The following CRISP3 variants were observed in gnomAD, a reference collection of about 807,000 sequenced individuals.
CRISP3 encodes the protein cysteine rich secretory protein 3, also known as cysteine-rich secretory protein 3.
In CRISP3, 33 loss-of-function variants were observed where a neutral mutation model predicts 36.1. That is an observed-to-expected ratio of 0.91 (90% CI 0.69 to 1.22). The LOEUF (loss-of-function observed/expected upper bound fraction) is 1.22, where lower values mean the gene tolerates loss of function less well. CRISP3 is among the 50% of genes most tolerant of loss of function. The pLI is 0.00. For synonymous variants in CRISP3, 117 were observed against 104.6 expected, an observed-to-expected ratio of 1.12 and a Z score of -0.72; for missense variants, 330 against 301.2, an observed-to-expected ratio of 1.10 and a Z score of -0.71.
Position 49,731,191 on chromosome 6 carries a change from G to A in CRISP3, c.621C>T (p.Cys207=), listed in dbSNP as rs1768907548. The A allele has an allele frequency of 6.2e-7, 1 of 1,610,564 alleles. No individual in the cohort carries two copies. Among genetic ancestry groups the A allele is most frequent in the Non-Finnish European group, 8.5e-7 (1 of 1,178,022 alleles). The change falls in exon 7 of 8, where the codon TGC becomes TGT. Residue 207 remains cysteine (C), a synonymous_variant. Transcript: ENST00000263045. ...PYEQGAPCAS[C]PDNCDDGLCT... is the part of the protein sequence containing the mutation. ...ATAGTCCATCGTCACAGTTATCTGG[G>A]CAACTGGCACAAGGTGCTCCTTGTT...
At chr6:49,743,716 T>C (rs950162208) in intron 1 of CRISP3, among the ~76,000 whole-genome samples, 5 of 152,170 alleles carry the variant, frequency 3.3e-5, no homozygotes, top group Admixed American at 6.5e-5. Flanking sequence ...ATAGATATTA[T>C]ATTTAAATTA....
At chr6:49,733,146 T>C in intron 6 of CRISP3, 49 bp downstream of exon 6, 1 of 1,047,600 alleles carries the variant, frequency 9.5e-7, no homozygotes, top group East Asian at 2.6e-5. Context: ...TATTAAATGT[T>C]AAATTGTATT....
At position 49,736,372 on chromosome 6, in the gene CRISP3, T is replaced by C. The variant is rs776479329; in HGVS notation, c.228+19A>G. 6.5e-7 allele frequency: 1 copy of C among 1,530,952 alleles called. No homozygotes were observed. The highest frequency in any genetic ancestry group is 2.2e-5 in the East Asian group (1 of 44,466). The allele number at this position is 1,530,952 out of a possible 1,614,324, so 94.8% of individuals were successfully genotyped here. On this transcript the variant is annotated intron_variant, in intron 3 of 7. Coordinates refer to ENST00000263045, the MANE Select transcript of CRISP3 (RefSeq NM_006061.4). ...CACAGCTTGTTCACACCCCTCTCCT[T>C]TGCAATATCACCTCTTACCATCTTC...
intron 1 of CRISP3, among the ~76,000 whole-genome samples, chr6:49,743,102 C>T (rs1769249009): frequency 6.6e-6 from 1 of 152,182 alleles, no homozygotes; most frequent in Non-Finnish European, 1.5e-5. Flanking sequence ...GTTTGCAAAA[C>T]TGCTAGACTT....
chr6:49,736,239 A>G (rs1430628107), intron 3 of CRISP3, 152 bp downstream of exon 3: 3 of 620,724 alleles, frequency 4.8e-6, no homozygotes, highest in Non-Finnish European at 8.6e-6. Context: ...AAGTTAAGAA[A>G]TTCAGCTCTG....
chr6:49,732,330 C>T (rs1344513820), intron 6 of CRISP3, among the ~76,000 whole-genome samples: 5 of 152,118 alleles, frequency 3.3e-5, no homozygotes, highest in Admixed American at 1.3e-4. Flanking sequence ...ATTTCTCAGA[C>T]TGGAATCCTA....
At chr6:49,737,291 G>T in intron 2 of CRISP3, 34 bp downstream of exon 2, 1 of 1,586,532 alleles carries the variant, frequency 6.3e-7, no homozygotes, top group Non-Finnish European at 8.7e-7. Flanking sequence ...ATGGTTGCCT[G>T]AATTTTTCTG....
chr6:49,728,678 G>A lies in CRISP3; in HGVS notation c.*52C>T, dbSNP rs1768833285. 4 of 1,456,974 alleles carry A rather than the reference G, an allele frequency of 2.7e-6. No individual in the cohort carries two copies. In the East Asian group the frequency reaches 1.0e-4, roughly 37 times the overall value. The allele number at this position is 1,456,974 out of a possible 1,614,324, so 90.3% of individuals were successfully genotyped here. A position where few individuals can be genotyped will look rare whatever the true frequency, so the allele number is the denominator to read the frequency against. On this transcript the variant is annotated 3_prime_UTR_variant, in exon 8 of 8. Coordinates refer to ENST00000263045, the MANE Select transcript of CRISP3 (RefSeq NM_006061.4). ...AAATCTAAGTAGATGCCAAATCTAA[G>A]TAGATAATCTGACTCCTCTCTACAT...
intron 2 of CRISP3, among the ~76,000 whole-genome samples, chr6:49,737,083 C>A (rs527366181): frequency 1.3e-5 from 2 of 152,200 alleles, no homozygotes; most frequent in African/African-American, 2.4e-5. Context: ...ATCTCCAAGG[C>A]AATTTGCGGG....
chr6:49,734,102 G>A lies in CRISP3; in HGVS notation c.317-254C>T, dbSNP rs12204137. 2.3e-3 allele frequency among the ~76,000 whole-genome samples: 349 copies of A among 152,222 alleles called. 2 individuals are homozygous for A. The highest frequency in any genetic ancestry group is 4.2e-3 in the Non-Finnish European group (288 of 67,994). Reference sequence around the variant, plus strand: ...TGCAAAACTTTGAGTAGATGGAGAAGCCTTTTTTCTTTAATGTCTGCTCTC... The same window carrying A: ...TGCAAAACTTTGAGTAGATGGAGAAACCTTTTTTCTTTAATGTCTGCTCTC... On this transcript the variant is annotated intron_variant, in intron 4 of 7. Transcript: ENST00000263045.
In CRISP3 at chr6:49,740,889, C is replaced by G. The variant is rs149249101; in HGVS notation, c.37+3442G>C. On this transcript the variant is annotated intron_variant, in intron 1 of 7. Transcript: ENST00000263045. ...GGCCGAGGTGAGCAGATCACGAGGT[C>G]AAGAGATCGAGACCATCCTGGCTAG... Among the ~76,000 whole-genome samples the G allele has an allele frequency of 6.3e-3, 957 of 151,918 alleles. 6 individuals are homozygous for G. Among genetic ancestry groups the G allele is most frequent in the African/African-American group, 0.021 (870 of 41,458 alleles).
chr6:49,728,588 G>T lies in CRISP3; in HGVS notation c.*142C>A. 2 of 666,040 alleles carry T rather than the reference G, an allele frequency of 3.0e-6. No individual in the cohort carries two copies. Among genetic ancestry groups the T allele is most frequent in the South Asian group, 5.6e-5 (1 of 17,844 alleles). 41.3% of individuals were successfully genotyped at this position (666,040 alleles called of 1,614,324 possible). A position where few individuals can be genotyped will look rare whatever the true frequency, so the allele number is the denominator to read the frequency against. ...TTTTGTAAAATAAAAAGCAGATCCA[G>T]AAGAAAAACATTTGAAATCAAATGT... On this transcript the variant is annotated 3_prime_UTR_variant, in exon 8 of 8. Coordinates refer to ENST00000263045, the MANE Select transcript of CRISP3 (RefSeq NM_006061.4).
intron 3 of CRISP3, among the ~76,000 whole-genome samples, chr6:49,735,971 C>G (rs1336284895): frequency 6.6e-6 from 1 of 151,720 alleles, no homozygotes; most frequent in East Asian, 1.9e-4. Flanking sequence ...TTCTTTTTTT[C>G]TTTTTTTCCC....
chr6:49,736,387 T>G lies in CRISP3; in HGVS notation c.228+4A>C, dbSNP rs750452320. 2.1e-5 allele frequency: 34 copies of G among 1,595,634 alleles called. No homozygotes were observed. In the East Asian group the frequency reaches 6.9e-4, roughly 33 times the overall value. Reference sequence around the variant, plus strand: ...CCCCTCTCCTTTGCAATATCACCTCTTACCATCTTCAGCATGTTTCTGGCA... The same window carrying G: ...CCCCTCTCCTTTGCAATATCACCTCGTACCATCTTCAGCATGTTTCTGGCA... On this transcript the variant is annotated splice_donor_region_variant and intron_variant, in intron 3 of 7. Coordinates refer to ENST00000263045, the MANE Select transcript of CRISP3 (RefSeq NM_006061.4).
At position 49,733,200 on chromosome 6, in the gene CRISP3, A is replaced by G. The variant is rs758907745; in HGVS notation, c.555T>C (p.Cys185=). 3 of 1,568,978 alleles carry G rather than the reference A, an allele frequency of 1.9e-6. No homozygotes were observed. Among genetic ancestry groups the G allele is most frequent in the South Asian group, 2.3e-5 (2 of 87,672 alleles). ...VLKYYYVCQY[C]PAGNWANRLY... ...ACGCTAAAATATATACTTACGCAGG[A>G]CAATATTGGCAAACATAGTAGTATT... Residue 185 remains cysteine, a synonymous_variant, in exon 6 of 8, where the codon TGT becomes TGC. Transcript: ENST00000263045.
Position 49,728,657 on chromosome 6 carries a change from C to T in CRISP3, c.*73G>A, listed in dbSNP as rs548925728. ...ATTTCTCAGCTAGTATATGTTAAAT[C>T]TAAGTAGATGCCAAATCTAAGTAGA... On this transcript the variant is annotated 3_prime_UTR_variant, in exon 8 of 8. Transcript: ENST00000263045. 110 of 1,331,772 alleles carry T rather than the reference C, an allele frequency of 8.3e-5. No individual in the cohort carries two copies. Among genetic ancestry groups the T allele is most frequent in the African/African-American group, 3.9e-4 (26 of 67,374 alleles). 82.5% of individuals were successfully genotyped at this position (1,331,772 alleles called of 1,614,324 possible).
Position 49,733,179 on chromosome 6 carries a change from TAA to T in CRISP3, c.560+14_560+15del. The T allele has an allele frequency of 6.9e-7, 1 of 1,452,590 alleles. No homozygotes were observed. The highest frequency in any genetic ancestry group is 9.5e-7 in the Non-Finnish European group (1 of 1,055,414). 90.0% of individuals were successfully genotyped at this position (1,452,590 alleles called of 1,614,324 possible). ...ATTTAGCATTATTGACAATAAACGC[TAA>T]AATATATACTTACGCAGGACAATAT... On this transcript the variant is annotated intron_variant, in intron 6 of 7. Transcript: ENST00000263045.
chr6:49,730,792 G>A (rs1768895762), intron 7 of CRISP3, among the ~76,000 whole-genome samples: 1 of 152,166 alleles, frequency 6.6e-6, no homozygotes, highest in African/African-American at 2.4e-5. Context: ...TGTAATCCCA[G>A]CACTTCGGGT....
intron 5 of CRISP3, 60 bp from the exon 6 acceptor site, chr6:49,733,352 C>A: frequency 8.9e-7 from 1 of 1,120,392 alleles, no homozygotes; most frequent in East Asian, 2.4e-5. Context: ...TACCAAAAAA[C>A]AAATAGTAGG....
Sources: gnomAD v4.1 joint callset for allele counts (sites outside exome capture counted in the v4.1 genomes callset) on GRCh38, gnomAD v4.1.1 for gene constraint, MANE v1.5 for transcripts, NCBI Gene and HGNC (gene_info 2026-07-23, HGNC 2026-07-21) for gene names.